CFAP54: variants seen among roughly 807,000 people sequenced by gnomAD.
The protein encoded by CFAP54 is cilia and flagella associated protein 54, also known as cilia- and flagella-associated protein 54.
In CFAP54, 290 loss-of-function variants were observed where a neutral mutation model predicts 370.4. That is an observed-to-expected ratio of 0.78 (90% confidence interval 0.71 to 0.86). CFAP54 has a LOEUF of 0.86. Ranked by LOEUF, CFAP54 falls within the 40% of genes least tolerant of loss-of-function variation. CFAP54 has a pLI of 0.00. For synonymous variants in CFAP54, 1,206 were observed against 1,236.5 expected (o/e 0.98, Z 0.52); for missense variants, 3,399 against 3,528.7 (o/e 0.96, Z 0.93).
chr12:96,533,295 A>G (rs536624955), intron 9 of CFAP54, among the ~76,000 whole-genome samples: 87 of 152,118 alleles, frequency 5.7e-4, no homozygotes, highest in Non-Finnish European at 1.1e-3. Context: ...TTCTGTATCT[A>G]TGTGTTACTG....
intron 28 of CFAP54, among the ~76,000 whole-genome samples, chr12:96,624,950 C>G (rs1956534904): frequency 6.6e-6 from 1 of 152,040 alleles, no homozygotes; most frequent in African/African-American, 2.4e-5. Flanking sequence ...ATACAGTGTT[C>G]TAGAAATGTG....
chr12:96,602,334 T>C (rs2136445749), intron 26 of CFAP54, among the ~76,000 whole-genome samples: 1 of 152,334 alleles, frequency 6.6e-6, no homozygotes, highest in East Asian at 1.9e-4. Context: ...TTTGTTGTGA[T>C]TTCTGTTCTT....
At chr12:96,500,451 G>A (rs1955013404) in intron 1 of CFAP54, among the ~76,000 whole-genome samples, 1 of 152,172 alleles carries the variant, frequency 6.6e-6, no homozygotes, top group East Asian at 1.9e-4. Flanking sequence ...GACTTTGGGT[G>A]ATAATGATGT....
intron 6 of CFAP54, among the ~76,000 whole-genome samples, chr12:96,521,503 C>CGTGTGTGTGT (rs10554608): frequency 1.0e-4 from 13 of 129,580 alleles, no homozygotes; most frequent in Non-Finnish European, 1.3e-4. Flanking sequence ...CAACTGAGGA[C>CGTGTGTGTGT]GTGTGTGTGT....
intron 62 of CFAP54, among the ~76,000 whole-genome samples, chr12:96,791,573 C>T (rs1326476848): frequency 6.6e-6 from 1 of 152,122 alleles, no homozygotes; most frequent in Non-Finnish European, 1.5e-5. Flanking sequence ...GTGGGTTTTA[C>T]AGCAATGGAT....
chr12:96,701,921 A>G (rs138393454), intron 46 of CFAP54, among the ~76,000 whole-genome samples: 2 of 152,240 alleles, frequency 1.3e-5, no homozygotes, highest in Non-Finnish European at 2.9e-5. Context: ...ATGAAAGGAC[A>G]CTGCTTACTA....
chr12:96,821,066 A>G (rs1460232484), intron 65 of CFAP54, among the ~76,000 whole-genome samples: 1 of 152,102 alleles, frequency 6.6e-6, no homozygotes, highest in African/African-American at 2.4e-5. Context: ...CAGCTTTACT[A>G]CTGAAGGTCC....
chr12:96,709,128 G>A (rs894735978), intron 48 of CFAP54, among the ~76,000 whole-genome samples: 1 of 152,154 alleles, frequency 6.6e-6, no homozygotes, highest in Non-Finnish European at 1.5e-5. Flanking sequence ...AAACTTCACT[G>A]AAATCACTCC....
In CFAP54 at chr12:96,540,829, C is replaced by T. The variant is rs758024758; in HGVS notation, c.1927-8C>T. On this transcript the variant is annotated splice_polypyrimidine_tract_variant and splice_region_variant and intron_variant, in intron 13 of 67. Coordinates refer to ENST00000524981, the MANE Select transcript of CFAP54 (RefSeq NM_001306084.2). ...TAATTAATTTTGCTGTGTATTTTCT[C>T]TTTTTAGTGGATTTATCTTCTGTGG... 7 of 1,417,312 alleles carry T rather than the reference C, an allele frequency of 4.9e-6. No individual in the cohort carries two copies. The highest frequency in any genetic ancestry group is 6.4e-6 in the Non-Finnish European group (7 of 1,089,076). 87.8% of individuals were successfully genotyped at this position (1,417,312 alleles called of 1,614,324 possible).
chr12:96,852,630 C>T (rs1476190675), intron 66 of CFAP54, among the ~76,000 whole-genome samples: 1 of 151,978 alleles, frequency 6.6e-6, no homozygotes, highest in Non-Finnish European at 1.5e-5. Flanking sequence ...ATAGGATGCA[C>T]TTTTGAAAGT....
intron 3 of CFAP54, among the ~76,000 whole-genome samples, 181 bp from the exon 4 acceptor site, chr12:96,506,747 C>T (rs572130297): frequency 6.6e-6 from 1 of 152,058 alleles, no homozygotes; most frequent in East Asian, 1.9e-4. Context: ...CCACCACGCC[C>T]AGCTAATTTT....
At chr12:96,597,034 A>G (rs1956187535) in intron 25 of CFAP54, among the ~76,000 whole-genome samples, 8 of 152,086 alleles carry the variant, frequency 5.3e-5, no homozygotes, top group Admixed American at 5.2e-4. Flanking sequence ...TCATTCATAC[A>G]TGGGGGAAAT....
chr12:96,599,618 C>T lies in CFAP54; in HGVS notation c.3639+851C>T, dbSNP rs577370659. On this transcript the variant is annotated intron_variant, in intron 26 of 67. Coordinates refer to ENST00000524981, the MANE Select transcript of CFAP54 (RefSeq NM_001306084.2). ...CACAATGGTTGAACTAATTTACACTCCCATCAACAGTGTAAAAACGTTGTA... is the reference window on the plus strand; with the variant it reads ...CACAATGGTTGAACTAATTTACACTTCCATCAACAGTGTAAAAACGTTGTA... 7.4e-4 allele frequency among the ~76,000 whole-genome samples: 113 copies of T among 152,322 alleles called. 1 individual carries two copies. Among genetic ancestry groups the T allele is most frequent in the Admixed American group, 1.6e-3 (25 of 15,288 alleles).
At position 96,679,580 on chromosome 12, in the gene CFAP54, C is replaced by T; in HGVS notation, c.5564-20C>T. On this transcript the variant is annotated intron_variant, in intron 39 of 67. Coordinates refer to ENST00000524981, the MANE Select transcript of CFAP54 (RefSeq NM_001306084.2). ...GGTGCAGCATTTCATCCCCAATATT[C>T]CGCTTTTCTTTCCTTTCAGAATACA... 1 of 1,601,942 alleles carries T rather than the reference C, an allele frequency of 6.2e-7. No individual in the cohort carries two copies. Among genetic ancestry groups the T allele is most frequent in the Non-Finnish European group, 8.5e-7 (1 of 1,174,084 alleles).
Position 96,509,747 on chromosome 12 carries a change from C to T in CFAP54, c.739+2648C>T, listed in dbSNP as rs139582817. 5.1e-4 allele frequency among the ~76,000 whole-genome samples: 77 copies of T among 150,150 alleles called. No homozygotes were observed. The East Asian group carries it at 0.012, about 23-fold the overall frequency. On this transcript the variant is annotated intron_variant, in intron 4 of 67. Transcript: ENST00000524981. Reference sequence around the variant, plus strand: ...AGGAGAATTGCTTGAATCTGGGAGGCGGAGGTTGCAGTGAGCCAAGATCAT... The same window carrying T: ...AGGAGAATTGCTTGAATCTGGGAGGTGGAGGTTGCAGTGAGCCAAGATCAT...
In CFAP54 at chr12:96,651,908, T is replaced by C. The variant is rs578235619; in HGVS notation, c.5100+93T>C. ...AAGTAGAAACTGTTTTTTTTTTTAT[T>C]TCTCATTTGGTTTGTCTACATTTCA... On this transcript the variant is annotated intron_variant, in intron 36 of 67. Transcript: ENST00000524981. 3.3e-5 allele frequency: 26 copies of C among 782,510 alleles called. No individual in the cohort carries two copies. In the East Asian group the frequency reaches 6.5e-4, roughly 20 times the overall value. The allele number at this position is 782,510 out of a possible 1,614,324, so 48.5% of individuals were successfully genotyped here. A position where few individuals can be genotyped will look rare whatever the true frequency, so the allele number is the denominator to read the frequency against.
chr12:96,771,621 C>T (rs1049157197), intron 60 of CFAP54, among the ~76,000 whole-genome samples: 9 of 152,090 alleles, frequency 5.9e-5, no homozygotes, highest in African/African-American at 2.2e-4. Flanking sequence ...CACTGCACTC[C>T]GGCCTGGGCA....
At chr12:96,645,951 A>G (rs1192982313) in intron 33 of CFAP54, 7 of 152,244 alleles carry the variant, frequency 4.6e-5, no homozygotes, top group Non-Finnish European at 7.3e-5. Flanking sequence ...AAATTAATTC[A>G]AGATGGATTA....
At position 96,649,906 on chromosome 12, in the gene CFAP54, C is replaced by A; in HGVS notation, c.4706C>A (p.Ser1569Tyr). Reference sequence around the variant, plus strand: ...TGTACTGTAGATGCTGAAGAATTTTCTACATTTATTAATTCCATAATGAGT... The same window carrying A: ...TGTACTGTAGATGCTGAAGAATTTTATACATTTATTAATTCCATAATGAGT... Reference protein sequence around the residue: ...ANLPSDAEEFSTFINSIMSDE... With the variant: ...ANLPSDAEEFYTFINSIMSDE... Residue 1569 changes from serine to tyrosine, a missense_variant, in exon 35 of 68, where the codon TCT (serine) becomes TAT (tyrosine). Ser to Tyr is a moderately radical substitution (Grantham distance 144). Around this residue, in one of 3 missense-constraint regions of CFAP54, gnomAD observed 2,796 missense variants for 2,869.7 expected, o/e 0.97. Transcript: ENST00000524981. 1 of 1,594,758 alleles carries A rather than the reference C, an allele frequency of 6.3e-7. No individual in the cohort carries two copies. Among genetic ancestry groups the A allele is most frequent in the South Asian group, 1.1e-5 (1 of 87,426 alleles).
Sources: gnomAD v4.1 joint callset for allele counts (sites outside exome capture counted in the v4.1 genomes callset) on GRCh38, gnomAD v4.1.1 for gene constraint, gnomAD v4.1.1 regional missense constraint, MANE v1.5 for transcripts, NCBI Gene and HGNC (gene_info 2026-07-23, HGNC 2026-07-21) for gene names.